ARSG: variants seen among roughly 807,000 people sequenced by gnomAD.
ARSG encodes the protein ASG.
Under a neutral mutation model 50.5 loss-of-function variants are expected in ARSG, and 37 were observed. The ratio of observed to expected loss-of-function variants is 0.73; its 90% CI spans 0.56 to 0.96. The LOEUF (loss-of-function observed/expected upper bound fraction) is 0.96, where lower values mean the gene tolerates loss of function less well. Among genes scored for constraint, ARSG ranks in the 50% least tolerant of loss-of-function variants. ARSG has a pLI of 0.00. For synonymous variants in ARSG, 225 were observed against 254.6 expected, an observed-to-expected ratio of 0.88 and a Z score of 1.11; for missense variants, 629 against 675.3, an observed-to-expected ratio of 0.93 and a Z score of 0.76.
intron 1 of ARSG, among the ~76,000 whole-genome samples, chr17:68,305,663 C>T (rs1490543522): frequency 6.6e-6 from 1 of 152,120 alleles, no homozygotes; most frequent in African/African-American, 2.4e-5. Context: ...ATGAAAATTA[C>T]AAACATACAG....
intron 2 of ARSG, among the ~76,000 whole-genome samples, chr17:68,308,585 G>A (rs1023172661): frequency 5.9e-5 from 9 of 152,192 alleles, no homozygotes; most frequent in East Asian, 1.9e-4. Flanking sequence ...TGCAGAGAGC[G>A]AAAGAACAAA....
intron 9 of ARSG, among the ~76,000 whole-genome samples, chr17:68,393,424 C>T (rs750823017): frequency 2.0e-5 from 3 of 152,198 alleles, no homozygotes; most frequent in African/African-American, 4.8e-5. Flanking sequence ...GATTGATTGT[C>T]GAGATATAGC....
At chr17:68,420,940 CT>C, downstream of ARSG, 1 of 160,868 alleles carries the variant, frequency 6.2e-6, no homozygotes, top group Non-Finnish European at 1.4e-5. Context: ...TCTCTTTTCT[CT>C]TTTTTTCCTT....
At chr17:68,430,198 G>A in the ARSG span, 2 of 1,577,002 alleles carry the variant, frequency 1.3e-6, no homozygotes, top group South Asian at 1.2e-5. Context: ...GGACTGGGCT[G>A]CAGGCCCCAC....
rs545548941 is a variant in ARSG at position 68,309,138 on chromosome 17, C to T, written c.218+1427C>T. ...GCTGAGGGACCTAGTACACCCTCCG[C>T]AGCTGCTGGCCCGGGTTCTAAGCCC... On this transcript the variant is annotated intron_variant, in intron 2 of 11. Coordinates refer to ENST00000621439, the MANE Select transcript of ARSG (RefSeq NM_001267727.2). 3.0e-3 allele frequency among the ~76,000 whole-genome samples: 464 copies of T among 152,356 alleles called. 7 individuals carry two copies. Among genetic ancestry groups the T allele is most frequent in the African/African-American group, 0.011 (442 of 41,582 alleles).
chr17:68,343,243 G>A (rs2078351880), intron 2 of ARSG, among the ~76,000 whole-genome samples: 3 of 152,114 alleles, frequency 2.0e-5, no homozygotes, highest in South Asian at 4.1e-4. Context: ...CGCAACCTCC[G>A]CCTCCCAGGT....
intron 6 of ARSG, among the ~76,000 whole-genome samples, chr17:68,365,789 G>A (rs1291786457): frequency 2.0e-5 from 3 of 152,066 alleles, no homozygotes; most frequent in Non-Finnish European, 4.4e-5. Flanking sequence ...GAAAAATGAT[G>A]GGCAGTAGCA....
intron 2 of ARSG, among the ~76,000 whole-genome samples, chr17:68,336,730 A>G (rs1449093430): frequency 6.6e-6 from 1 of 151,984 alleles, no homozygotes; most frequent in Non-Finnish European, 1.5e-5. Flanking sequence ...GCGTGCATCT[A>G]TAATCTTAGG....
At chr17:68,349,592 A>G (rs546856122) in intron 4 of ARSG, among the ~76,000 whole-genome samples, 1 of 152,260 alleles carries the variant, frequency 6.6e-6, no homozygotes, top group East Asian at 1.9e-4. Flanking sequence ...TTTTAAAAAT[A>G]CAACAAACAG....
intron 1 of ARSG, among the ~76,000 whole-genome samples, chr17:68,261,301 C>T (rs1391342491): frequency 1.3e-5 from 2 of 152,220 alleles, no homozygotes; most frequent in African/African-American, 2.4e-5. Flanking sequence ...CTTGGGAATA[C>T]AGCAGTGAAC....
rs371357669 is a variant in ARSG at position 68,394,019 on chromosome 17, G to A, written c.1092-1054G>A. ...TATTGCCCAGGCTGGTCTCAAACCG[G>A]CCATTGTTCACATGGCCATTGTTCA... On this transcript the variant is annotated intron_variant, in intron 9 of 11. Transcript: ENST00000621439. 7.9e-5 allele frequency among the ~76,000 whole-genome samples: 12 copies of A among 151,914 alleles called. No homozygotes were observed. In the East Asian group the frequency reaches 2.1e-3, roughly 27 times the overall value.
the ARSG span, among the ~76,000 whole-genome samples, chr17:68,442,504 G>A: frequency 2.6e-5 from 4 of 151,678 alleles, no homozygotes; most frequent in African/African-American, 9.7e-5. Flanking sequence ...CTGTTTGCAA[G>A]GGAGGGTGCT....
chr17:68,339,087 A>AT (rs767096722), intron 2 of ARSG, among the ~76,000 whole-genome samples: 725 of 148,080 alleles, frequency 4.9e-3, no homozygotes, highest in African/African-American at 8.4e-3. Flanking sequence ...AGTTTGTAGG[A>AT]TTTTTTTTTT....
intron 3 of ARSG, among the ~76,000 whole-genome samples, 177 bp downstream of exon 3, chr17:68,343,968 G>A (rs573955005): frequency 1.2e-4 from 19 of 152,308 alleles, no homozygotes; most frequent in African/African-American, 4.3e-4. Flanking sequence ...CATACATGGA[G>A]CTATTTTCCT....
chr17:68,296,500 T>C (rs2076214165), intron 1 of ARSG, among the ~76,000 whole-genome samples: 1 of 152,182 alleles, frequency 6.6e-6, no homozygotes, highest in South Asian at 2.1e-4. Context: ...GCGAAGAAAC[T>C]ACAAGGATGC....
At chr17:68,408,619 T>C (rs1179263135) in intron 11 of ARSG, among the ~76,000 whole-genome samples, 1 of 152,206 alleles carries the variant, frequency 6.6e-6, no homozygotes, top group African/African-American at 2.4e-5. Flanking sequence ...GCATGATTTA[T>C]AGTCCTTTGG....
chr17:68,347,012 G>T (rs879069823), intron 3 of ARSG, 113 bp from the exon 4 acceptor site: 5 of 1,555,812 alleles, frequency 3.2e-6, no homozygotes, highest in East Asian at 2.3e-5. Flanking sequence ...CTTTTGGCTT[G>T]TCCACAGTGC....
intron 1 of ARSG, among the ~76,000 whole-genome samples, chr17:68,276,651 GCTATGT>G (rs1428193434): frequency 6.6e-6 from 1 of 151,938 alleles, no homozygotes; most frequent in East Asian, 1.9e-4. Context: ...ATGGAGTCTT[GCTATGT>G]TGCCCAGGCT....
chr17:68,413,408 G>A (rs1475785523), intron 11 of ARSG, among the ~76,000 whole-genome samples: 1 of 152,226 alleles, frequency 6.6e-6, no homozygotes, highest in Non-Finnish European at 1.5e-5. Flanking sequence ...CCCCTGCTGG[G>A]GGGTGCCTCC....
Sources: gnomAD v4.1 joint callset for allele counts (sites outside exome capture counted in the v4.1 genomes callset) on GRCh38, gnomAD v4.1.1 for gene constraint, MANE v1.5 for transcripts, NCBI Gene and HGNC (gene_info 2026-07-23, HGNC 2026-07-21) for gene names.